The following ANKRD55 variants were observed in gnomAD, a reference collection of about 807,000 sequenced individuals.
ANKRD55 encodes the protein ankyrin repeat domain 55.
A neutral mutation model predicts 60.6 loss-of-function variants in ANKRD55; 41 were observed. That is an observed-to-expected ratio of 0.68 (90% CI 0.53 to 0.88). ANKRD55 has a LOEUF of 0.88. Ranked by LOEUF, ANKRD55 falls within the 40% of genes least tolerant of loss-of-function variation. ANKRD55 has a pLI of 0.00. For synonymous variants in ANKRD55, 264 were observed against 290.3 expected (o/e 0.91, Z 0.92); for missense variants, 732 against 767.6 (o/e 0.95, Z 0.55).
chr5:56,124,968 A>G (rs145316948), intron 8 of ANKRD55, among the ~76,000 whole-genome samples: 2 of 152,292 alleles, frequency 1.3e-5, no homozygotes, highest in East Asian at 3.9e-4. Flanking sequence ...TGGATATTTT[A>G]CTTCCTTTTG....
intron 2 of ANKRD55, among the ~76,000 whole-genome samples, chr5:56,197,644 T>G (rs1287829502): frequency 6.6e-6 from 1 of 152,242 alleles, no homozygotes; most frequent in African/African-American, 2.4e-5. Context: ...TGATGTCTTA[T>G]GTTCTCTAAT....
intron 2 of ANKRD55, among the ~76,000 whole-genome samples, chr5:56,213,590 T>C (rs549169168): frequency 6.6e-6 from 1 of 151,680 alleles, no homozygotes; most frequent in South Asian, 2.1e-4. Flanking sequence ...ATAATTAAAA[T>C]AGTGAGATTC....
At position 56,227,505 on chromosome 5, in the gene ANKRD55, CA is replaced by C. The variant is rs754564687; in HGVS notation, c.58+5350del. ...AGTATAAAAGAAAACAAAAAACAAA[CA>C]AAAAAACCCCTGCACATCTGTGCGT... On this transcript the variant is annotated intron_variant, in intron 2 of 11. Coordinates refer to ENST00000341048, the MANE Select transcript of ANKRD55 (RefSeq NM_024669.3). 1.1e-4 allele frequency among the ~76,000 whole-genome samples: 16 copies of C among 151,796 alleles called. No individual in the cohort carries two copies. In the South Asian group the frequency reaches 2.9e-3, roughly 28 times the overall value.
chr5:56,127,468 G>A (rs1011286008), intron 7 of ANKRD55: 22 of 985,146 alleles, frequency 2.2e-5, no homozygotes, highest in Middle Eastern at 5.2e-4. Context: ...CTGATCATTT[G>A]TGTCCCCATT....
chr5:56,218,462 G>A (rs893816320), intron 2 of ANKRD55, among the ~76,000 whole-genome samples: 4 of 152,036 alleles, frequency 2.6e-5, no homozygotes, highest in African/African-American at 9.7e-5. Flanking sequence ...CATCAACATC[G>A]AGGCAAGACC....
At chr5:56,116,991 C>T (rs1756905668) in intron 8 of ANKRD55, 1 of 435,516 alleles carries the variant, frequency 2.3e-6, no homozygotes, top group Admixed American at 4.4e-5. Flanking sequence ...GTATTCCCTG[C>T]CATCTACACT....
At chr5:56,131,767 G>A (rs1757421323) in intron 7 of ANKRD55, among the ~76,000 whole-genome samples, 1 of 118,850 alleles carries the variant, frequency 8.4e-6, no homozygotes, top group African/African-American at 3.3e-5. Flanking sequence ...TTGCACTCCA[G>A]CCTGGGCAAC....
intron 10 of ANKRD55, among the ~76,000 whole-genome samples, chr5:56,104,190 G>A (rs562110404): frequency 6.6e-6 from 1 of 152,124 alleles, no homozygotes; most frequent in South Asian, 2.1e-4. Context: ...TCAGGAATAG[G>A]GATAAATGCT....
At chr5:56,135,332 T>G (rs926009510) in intron 7 of ANKRD55, among the ~76,000 whole-genome samples, 7 of 17,944 alleles carry the variant, frequency 3.9e-4, no homozygotes, top group African/African-American at 2.9e-3. Context: ...TCTTTCTTTC[T>G]TTCTTTCTTT....
chr5:56,134,570 G>C (rs1440653869), intron 7 of ANKRD55, among the ~76,000 whole-genome samples: 1 of 61,882 alleles, frequency 1.6e-5, no homozygotes, highest in South Asian at 5.5e-4. Context: ...CAGAGTGAGA[G>C]ACTCTGTCTC....
At chr5:56,144,083 A>G (rs1295198012) in intron 6 of ANKRD55, among the ~76,000 whole-genome samples, 154 bp from the exon 7 acceptor site, 5 of 152,182 alleles carry the variant, frequency 3.3e-5, no homozygotes, top group African/African-American at 1.2e-4. Flanking sequence ...CATTCATTCC[A>G]TAGATGTTTA....
chr5:56,199,030 A>G (rs1759295398), intron 2 of ANKRD55, among the ~76,000 whole-genome samples: 1 of 152,094 alleles, frequency 6.6e-6, no homozygotes, highest in Non-Finnish European at 1.5e-5. Context: ...CAGTGAGCCG[A>G]GATCGCGCCA....
At chr5:56,155,158 G>A (rs1758160253) in intron 6 of ANKRD55, among the ~76,000 whole-genome samples, 1 of 151,354 alleles carries the variant, frequency 6.6e-6, no homozygotes, top group Non-Finnish European at 1.5e-5. Flanking sequence ...TGAGGCAGTA[G>A]GCTGCAGTGG....
chr5:56,119,876 C>T (rs1311794861), intron 8 of ANKRD55, among the ~76,000 whole-genome samples: 1 of 152,002 alleles, frequency 6.6e-6, no homozygotes, highest in Non-Finnish European at 1.5e-5. Context: ...CGAGATCCTG[C>T]CACCACACTC....
chr5:56,110,925 G>A (rs1756671429), intron 10 of ANKRD55, 193 bp downstream of exon 10: 1 of 626,066 alleles, frequency 1.6e-6, no homozygotes, highest in Non-Finnish European at 2.7e-6. Context: ...CTTGAAGAGG[G>A]GAGAAGCAGA....
intron 2 of ANKRD55, among the ~76,000 whole-genome samples, chr5:56,211,599 C>CT: frequency 6.6e-6 from 1 of 152,202 alleles, no homozygotes. Context: ...TGGAAGCACT[C>CT]TTTCACTCAG....
At chr5:56,202,063 G>A (rs36755) in intron 2 of ANKRD55, among the ~76,000 whole-genome samples, 66,897 of 152,008 alleles carry the variant, frequency 0.44, 18,583 homozygotes, top group African/African-American at 0.77. Context: ...CAAACACCAC[G>A]TGTTCTCACT....
At chr5:56,191,435 C>T (rs1759090051) in intron 2 of ANKRD55, among the ~76,000 whole-genome samples, 1 of 152,076 alleles carries the variant, frequency 6.6e-6, no homozygotes, top group South Asian at 2.1e-4. Context: ...CTTGGTTATT[C>T]CTAAGTATTT....
chr5:56,227,242 A>G, intron 2 of ANKRD55, among the ~76,000 whole-genome samples: 1 of 151,858 alleles, frequency 6.6e-6, no homozygotes, highest in East Asian at 1.9e-4. Context: ...GCAAGGACAG[A>G]AAACCAAACA....
Sources: gnomAD v4.1 joint callset for allele counts (sites outside exome capture counted in the v4.1 genomes callset) on GRCh38, gnomAD v4.1.1 for gene constraint, MANE v1.5 for transcripts, NCBI Gene and HGNC (gene_info 2026-07-23, HGNC 2026-07-21) for gene names.